Variants in ZNF507 observed in about 807,000 individuals in gnomAD.
The protein encoded by ZNF507 is zinc finger protein 507.
ZNF507 carries 29 observed loss-of-function variants against 80.0 expected under a neutral mutation model. The observed-to-expected ratio is 0.36, with a 90% CI of 0.27 to 0.49. The LOEUF (loss-of-function observed/expected upper bound fraction) is 0.49. Among genes scored for constraint, ZNF507 ranks in the 20% least tolerant of loss-of-function variants. The pLI is 0.98. For synonymous variants in ZNF507, 462 were observed against 422.5 expected, an observed-to-expected ratio of 1.09 and a Z score of -1.15; for missense variants, 1,081 against 1,152.2, an observed-to-expected ratio of 0.94 and a Z score of 0.90.
chr19:32,364,562 A>G (rs375198536), intron 5 of ZNF507, among the ~76,000 whole-genome samples: 15 of 152,138 alleles, frequency 9.9e-5, no homozygotes, highest in African/African-American at 3.4e-4. Context: ...CTTAGCTCCC[A>G]CGTATCAGTG....
Position 32,375,351 on chromosome 19 carries a change from G to A in ZNF507, c.2361-7116G>A, listed in dbSNP as rs151258393. On this transcript the variant is annotated intron_variant, in intron 5 of 6. Transcript: ENST00000355898. ...AGCCCCAAATGTCAGGAATGCAGAG[G>A]CCAAGAAACTCTTCTAGATCTCACT... Among the ~76,000 whole-genome samples, 60 of 152,226 alleles carry A rather than the reference G, an allele frequency of 3.9e-4. 1 individual carries two copies. In the East Asian group the frequency reaches 8.1e-3, roughly 21 times the overall value.
At chr19:32,361,182 G>A (rs1219444628) in intron 5 of ZNF507, among the ~76,000 whole-genome samples, 3 of 152,176 alleles carry the variant, frequency 2.0e-5, no homozygotes, top group Non-Finnish European at 4.4e-5. Flanking sequence ...AATTTTCTAT[G>A]AAAGAGTCCA....
At chr19:32,372,083 A>G (rs1346020247) in intron 5 of ZNF507, among the ~76,000 whole-genome samples, 4 of 152,220 alleles carry the variant, frequency 2.6e-5, no homozygotes, top group African/African-American at 9.6e-5. Flanking sequence ...TTCTAGCTCT[A>G]TGCTACTTAG....
At chr19:32,351,419 C>CTGTGTGTGTGTGTGTGTGTGTGTG (rs5823) in intron 2 of ZNF507, among the ~76,000 whole-genome samples, 2 of 52,838 alleles carry the variant, frequency 3.8e-5, no homozygotes, top group Admixed American at 2.5e-4. Flanking sequence ...AGCTGGTCAG[C>CTGTGTGTGTGTGTGTGTGTGTGTG]TGTGTGTGTG....
chr19:32,364,015 G>A (rs1005401294), intron 5 of ZNF507, among the ~76,000 whole-genome samples: 2 of 152,166 alleles, frequency 1.3e-5, no homozygotes, highest in Non-Finnish European at 1.5e-5. Context: ...TACGAAACTC[G>A]GGAGAATACT....
rs935148687 is a variant in ZNF507, at chr19:32,354,093, A to G, written c.1263A>G (p.Glu421=). Residue 421 remains glutamate (E), a synonymous_variant, in exon 3 of 7, where the codon GAA becomes GAG. Transcript: ENST00000355898. The part of the protein sequence containing the change: ...QKRFLMNTEM[E]EGKDLSLTEA... ...GCTTCCTCATGAACACTGAAATGGA[A>G]GAAGGGAAGGACCTGAGCCTGACAG... 6.8e-6 allele frequency: 11 copies of G among 1,613,788 alleles called. No individual in the cohort carries two copies. The African/African-American group carries it at 8.0e-5, about 12-fold the overall frequency.
rs977039453 is a variant in ZNF507 at position 32,387,097 on chromosome 19, C to T, written c.*4014C>T. ...TAAGTCTAATTTTGAAGCTTTTTTCCTTGCTACCCAGTTCAGTTTCTCTTC... is the reference window on the plus strand; with the variant it reads ...TAAGTCTAATTTTGAAGCTTTTTTCTTTGCTACCCAGTTCAGTTTCTCTTC... On this transcript the variant is annotated 3_prime_UTR_variant, in exon 7 of 7. Transcript: ENST00000355898. The T allele has an allele frequency of 3.3e-5, 5 of 151,970 alleles. No homozygotes were observed. Among genetic ancestry groups the T allele is most frequent in the Non-Finnish European group, 7.4e-5 (5 of 67,970 alleles). 9.4% of individuals were successfully genotyped at this position (151,970 alleles called of 1,614,324 possible).
intron 5 of ZNF507, among the ~76,000 whole-genome samples, chr19:32,366,881 A>G (rs970223032): frequency 6.6e-6 from 1 of 152,238 alleles, no homozygotes; most frequent in Non-Finnish European, 1.5e-5. Flanking sequence ...GTAGATGTAT[A>G]GCAGTGTATT....
intron 5 of ZNF507, among the ~76,000 whole-genome samples, chr19:32,379,278 A>G (rs1358124614): frequency 6.6e-6 from 1 of 152,362 alleles, no homozygotes; most frequent in Non-Finnish European, 1.5e-5. Flanking sequence ...CATCTCAGAT[A>G]TAAATGGGCA....
At position 32,354,668 on chromosome 19, in the gene ZNF507, A is replaced by G. The variant is rs1359104073; in HGVS notation, c.1838A>G (p.Asp613Gly). The change falls in exon 3 of 7, where the codon GAC becomes GGC. Residue 613 changes from aspartate (D) to glycine (G), a missense_variant. Physicochemically the swap from Asp to Gly is moderately conservative, Grantham distance 94. This residue lies in a region of ZNF507 where 614 missense variants were observed against 583.9 expected (regional missense o/e 1.05). Transcript: ENST00000355898. The part of the protein sequence containing the change: ...SDDDILKELQ[D>G]NAQCQPNSDT... ...GATGACATTTTGAAAGAGTTGCAGG[A>G]CAACGCCCAGTGCCAACCCAACAGC... 9 of 1,614,066 alleles carry G rather than the reference A, an allele frequency of 5.6e-6. No homozygotes were observed. The Admixed American group carries it at 1.3e-4, about 24-fold the overall frequency.
At chr19:32,376,531 C>T (rs958967326) in intron 5 of ZNF507, among the ~76,000 whole-genome samples, 1 of 152,134 alleles carries the variant, frequency 6.6e-6, no homozygotes, top group African/African-American at 2.4e-5. Flanking sequence ...CGGGACCCAA[C>T]CACAGAGGCC....
intron 3 of ZNF507, among the ~76,000 whole-genome samples, chr19:32,356,246 G>A (rs1967250176): frequency 1.3e-5 from 2 of 152,186 alleles, no homozygotes; most frequent in African/African-American, 4.8e-5. Flanking sequence ...GAAAAATTAG[G>A]AGTCTGGTGA....
chr19:32,380,814 C>T (rs1599560520), intron 5 of ZNF507, among the ~76,000 whole-genome samples: 3 of 152,038 alleles, frequency 2.0e-5, no homozygotes, highest in Admixed American at 6.6e-5. Context: ...TAAAAACCTG[C>T]GCTTGCTGGG....
intron 5 of ZNF507, among the ~76,000 whole-genome samples, chr19:32,363,370 A>G (rs1280664234): frequency 1.3e-5 from 2 of 152,196 alleles, no homozygotes; most frequent in Non-Finnish European, 2.9e-5. Flanking sequence ...TAGTGTGCCT[A>G]TTACATAACA....
At chr19:32,372,002 C>T (rs1967480905) in intron 5 of ZNF507, among the ~76,000 whole-genome samples, 1 of 152,090 alleles carries the variant, frequency 6.6e-6, no homozygotes, top group African/African-American at 2.4e-5. Flanking sequence ...AAATAATCTG[C>T]AGTGCATTTA....
intron 3 of ZNF507, among the ~76,000 whole-genome samples, 182 bp from the exon 4 acceptor site, chr19:32,356,434 T>G (rs944203027): frequency 1.3e-5 from 2 of 152,222 alleles, no homozygotes; most frequent in African/African-American, 4.8e-5. Flanking sequence ...GATTATGATT[T>G]GCTAATGTAC....
intron 5 of ZNF507, among the ~76,000 whole-genome samples, chr19:32,370,503 T>G (rs1293973091): frequency 6.6e-6 from 1 of 152,264 alleles, no homozygotes; most frequent in Non-Finnish European, 1.5e-5. Context: ...TGAGCACGTT[T>G]TCATATCACT....
At position 32,387,436 on chromosome 19, in the gene ZNF507, CCT is replaced by C. The variant is rs1302559602; in HGVS notation, c.*4354_*4355del. 6.6e-6 allele frequency: 1 copy of C among 152,114 alleles called. No individual in the cohort carries two copies. Among genetic ancestry groups the C allele is most frequent in the South Asian group, 2.1e-4 (1 of 4,822 alleles). The allele number at this position is 152,114 out of a possible 1,614,324, so 9.4% of individuals were successfully genotyped here. On this transcript the variant is annotated 3_prime_UTR_variant, in exon 7 of 7. Transcript: ENST00000355898. ...TCCCAGGGACAACATAATCATATCC[CCT>C]GTCTTTGAAAAACCCAATCTGAAAC...
chr19:32,380,390 GT>G (rs112764574), intron 5 of ZNF507, among the ~76,000 whole-genome samples: 1,954 of 152,128 alleles, frequency 0.013, 52 homozygotes, highest in African/African-American at 0.043. Context: ...TTTATTGCCT[GT>G]TAAGTGGGCT....
Sources: allele counts gnomAD v4.1 joint callset (sites outside exome capture counted in the v4.1 genomes callset), GRCh38; gene constraint gnomAD v4.1.1; regional missense constraint gnomAD v4.1.1; transcripts MANE v1.5; gene names NCBI Gene and HGNC (gene_info 2026-07-23, HGNC 2026-07-21).